BCAS1: variants seen among roughly 807,000 people sequenced by gnomAD.
BCAS1 encodes the protein brain enriched myelin associated protein 1, also known as breast carcinoma-amplified sequence 1.
In BCAS1, 46 loss-of-function variants were observed where a neutral mutation model predicts 65.4. That is an observed-to-expected ratio of 0.70 (90% confidence interval 0.55 to 0.90). The LOEUF is 0.90. Among genes scored for constraint, BCAS1 ranks in the 40% least tolerant of loss-of-function variants. The pLI, the probability that BCAS1 is intolerant of heterozygous loss-of-function variation, is 0.00. For synonymous variants in BCAS1, 298 were observed against 293.5 expected, an observed-to-expected ratio of 1.02 and a Z score of -0.16; for missense variants, 793 against 771.2, an observed-to-expected ratio of 1.03 and a Z score of -0.33.
At chr20:53,953,358 GA>G in intron 12 of BCAS1, 73 bp downstream of exon 12, 1 of 1,568,016 alleles carries the variant, frequency 6.4e-7, no homozygotes, top group African/African-American at 1.4e-5. Flanking sequence ...TGTAGAATTT[GA>G]AAAACTGACT....
At chr20:54,011,468 T>C (rs2091318822) in intron 4 of BCAS1, among the ~76,000 whole-genome samples, 1 of 132,080 alleles carries the variant, frequency 7.6e-6, no homozygotes, top group South Asian at 2.4e-4. Flanking sequence ...GATATGCAGA[T>C]GGCAAATAAG....
chr20:53,967,096 A>G (rs899725394), intron 9 of BCAS1, 23 bp from the exon 10 acceptor site: 4 of 1,599,324 alleles, frequency 2.5e-6, no homozygotes, highest in Non-Finnish European at 2.6e-6. Flanking sequence ...GCCAGGTAAT[A>G]AGAAAATGAA....
intron 3 of BCAS1, among the ~76,000 whole-genome samples, chr20:54,037,056 T>C (rs1286551587): frequency 6.6e-6 from 1 of 151,240 alleles, no homozygotes; most frequent in Non-Finnish European, 1.5e-5. Flanking sequence ...AATTATCTTT[T>C]TTTTTTCATG....
intron 3 of BCAS1, among the ~76,000 whole-genome samples, chr20:54,044,264 C>G (rs1284471580): frequency 6.6e-6 from 1 of 152,176 alleles, no homozygotes; most frequent in East Asian, 1.9e-4. Flanking sequence ...TCTGTCCTAT[C>G]TCTCTTGGTC....
intron 10 of BCAS1, among the ~76,000 whole-genome samples, chr20:53,965,208 G>T (rs1452515545): frequency 6.6e-6 from 1 of 152,210 alleles, no homozygotes. Context: ...AACAGGAAAA[G>T]AAAATGATTC....
chr20:54,063,130 T>C (rs2092395917), intron 1 of BCAS1, among the ~76,000 whole-genome samples: 1 of 152,144 alleles, frequency 6.6e-6, no homozygotes, highest in Non-Finnish European at 1.5e-5. Flanking sequence ...ATATATGACT[T>C]GTATGGAGAG....
At chr20:53,951,858 A>G (rs1339519967) in intron 12 of BCAS1, among the ~76,000 whole-genome samples, 2 of 152,256 alleles carry the variant, frequency 1.3e-5, no homozygotes, top group African/African-American at 2.4e-5. Context: ...TACACCCAGA[A>G]AGAAGAAGCT....
At chr20:54,057,476 C>A (rs1194386507) in intron 3 of BCAS1, among the ~76,000 whole-genome samples, 1 of 152,196 alleles carries the variant, frequency 6.6e-6, no homozygotes, top group Non-Finnish European at 1.5e-5. Context: ...AGATTGCAAC[C>A]TAGGTCTGCC....
chr20:54,064,380 TCA>T (rs2092411331), intron 1 of BCAS1, among the ~76,000 whole-genome samples: 2 of 152,200 alleles, frequency 1.3e-5, no homozygotes, highest in Admixed American at 1.3e-4. Context: ...CCACGGATTC[TCA>T]GACGGAGGAA....
chr20:53,984,497 C>T (rs2145769494), intron 8 of BCAS1, among the ~76,000 whole-genome samples: 1 of 152,328 alleles, frequency 6.6e-6, no homozygotes, highest in Non-Finnish European at 1.5e-5. Flanking sequence ...TCATCATCTG[C>T]TTTGCATGGT....
intron 10 of BCAS1, among the ~76,000 whole-genome samples, chr20:53,966,032 A>T (rs2090016723): frequency 6.6e-6 from 1 of 152,214 alleles, no homozygotes; most frequent in South Asian, 2.1e-4. Flanking sequence ...GTAGGTGGGA[A>T]TGTGAACTAG....
At chr20:53,991,231 C>T (rs768342738) in intron 7 of BCAS1, among the ~76,000 whole-genome samples, 2 of 152,162 alleles carry the variant, frequency 1.3e-5, no homozygotes, top group African/African-American at 2.4e-5. Context: ...AAGTTATTTC[C>T]CAGCAGTTAC....
intron 9 of BCAS1, among the ~76,000 whole-genome samples, chr20:53,970,303 T>G (rs1481123551): frequency 6.6e-6 from 1 of 152,158 alleles, no homozygotes; most frequent in Admixed American, 6.5e-5. Flanking sequence ...ATAGTACTTC[T>G]GGAGACTTCC....
chr20:54,036,390 AGTGCAGAAAAATATTTT>A (rs748663345), intron 3 of BCAS1, among the ~76,000 whole-genome samples: 1 of 151,444 alleles, frequency 6.6e-6, no homozygotes, highest in Non-Finnish European at 1.5e-5. Flanking sequence ...TGATTTTCTT[AGTGCAGAAAAATATTTT>A]GTGCTGCATG....
chr20:53,957,885 T>TG, intron 10 of BCAS1, among the ~76,000 whole-genome samples: 1 of 126,126 alleles, frequency 7.9e-6, no homozygotes, highest in Middle Eastern at 3.9e-3. Context: ...GTTTTATTGT[T>TG]TTTTTTTTTT....
chr20:54,056,374 T>C (rs941508258), intron 3 of BCAS1, among the ~76,000 whole-genome samples: 2 of 152,166 alleles, frequency 1.3e-5, no homozygotes, highest in Non-Finnish European at 2.9e-5. Context: ...AAATACTGCA[T>C]GTTCTCACTT....
At position 53,944,679 on chromosome 20, in the gene BCAS1, C is replaced by T. The variant is rs771840885; in HGVS notation, c.*243G>A. On this transcript the variant is annotated 3_prime_UTR_variant, in exon 13 of 13. Coordinates refer to ENST00000688948, the MANE Select transcript of BCAS1 (RefSeq NM_001366298.2). ...CCTCCCTTTCCTGCTTGGTGATCAT[C>T]GACTCTTCTGACCCAACTAGGTGAC... is the stretch of plus-strand genomic sequence containing the variant. The T allele has an allele frequency of 6.2e-5, 30 of 482,500 alleles. No individual in the cohort carries two copies. The highest frequency in any genetic ancestry group is 9.2e-5 in the Non-Finnish European group (24 of 262,040). The allele number at this position is 482,500 out of a possible 1,614,324, so 29.9% of individuals were successfully genotyped here.
At chr20:54,000,214 G>A (rs911914859) in intron 4 of BCAS1, among the ~76,000 whole-genome samples, 33 of 152,054 alleles carry the variant, frequency 2.2e-4, no homozygotes, top group African/African-American at 8.0e-4. Flanking sequence ...TTTTTTGATT[G>A]TCACGAGTAG....
intron 9 of BCAS1, among the ~76,000 whole-genome samples, chr20:53,973,741 C>G (rs1425576014): frequency 3.3e-5 from 5 of 152,190 alleles, no homozygotes; most frequent in African/African-American, 1.2e-4. Context: ...TTCATGAGAA[C>G]TTTCTGGAAT....
Sources: allele counts gnomAD v4.1 joint callset (sites outside exome capture counted in the v4.1 genomes callset), GRCh38; gene constraint gnomAD v4.1.1; transcripts MANE v1.5; gene names NCBI Gene and HGNC (gene_info 2026-07-23, HGNC 2026-07-21).